CETP: variants seen among roughly 807,000 people sequenced by gnomAD.
The protein encoded by CETP is cholesteryl ester transfer protein.
A neutral mutation model predicts 66.5 loss-of-function variants in CETP; 56 were observed. The ratio of observed to expected loss-of-function variants is 0.84; its 90% confidence interval spans 0.68 to 1.05. The LOEUF (loss-of-function observed/expected upper bound fraction) is 1.05. CETP is among the 50% of genes least tolerant of loss of function. The pLI is 0.00. For synonymous variants in CETP, 251 were observed against 245.7 expected, an observed-to-expected ratio of 1.02 and a Z score of -0.20; for missense variants, 612 against 609.6, an observed-to-expected ratio of 1.00 and a Z score of -0.04.
chr16:56,964,924 C>T (rs1464857632), intron 2 of CETP, among the ~76,000 whole-genome samples: 2 of 152,130 alleles, frequency 1.3e-5, no homozygotes, highest in Non-Finnish European at 2.9e-5. Context: ...TTACCTCAGC[C>T]AGGGTTCAAG....
In CETP at chr16:56,971,942, A is replaced by G. The variant is rs200011174; in HGVS notation, c.659-50A>G. The G allele has an allele frequency of 1.1e-4, 161 of 1,513,898 alleles. 1 individual carries two copies. In the Admixed American group the frequency reaches 2.5e-3, roughly 24 times the overall value. The allele number at this position is 1,513,898 out of a possible 1,614,324, so 93.8% of individuals were successfully genotyped here. Reference sequence around the variant, plus strand: ...TGTGGATGCAGGGGAGCGGTGACTCAGGGCAATTCCCCCATCCTGAGGCCC... The same window carrying G: ...TGTGGATGCAGGGGAGCGGTGACTCGGGGCAATTCCCCCATCCTGAGGCCC... On this transcript the variant is annotated intron_variant, in intron 7 of 15. Coordinates refer to ENST00000200676, the MANE Select transcript of CETP (RefSeq NM_000078.3).
At chr16:56,975,036 C>A (rs367823361) in intron 9 of CETP, 65 bp from the exon 10 acceptor site, 3 of 1,481,100 alleles carry the variant, frequency 2.0e-6, no homozygotes, top group African/African-American at 1.4e-5. Flanking sequence ...TTGGTCCCTG[C>A]GAAGTTTTCT....
At chr16:56,980,106 G>A (rs1224345696) in intron 11 of CETP, among the ~76,000 whole-genome samples, 1 of 152,220 alleles carries the variant, frequency 6.6e-6, no homozygotes, top group Non-Finnish European at 1.5e-5. Context: ...ATAGCGGAGA[G>A]ATTAACATTG....
In CETP at chr16:56,969,407, C is replaced by T. The variant is rs1463099365; in HGVS notation, c.255C>T (p.Ser85=). The change falls in exon 3 of 16, where the codon TCC becomes TCT. Residue 85 remains serine, a synonymous_variant. Transcript: ENST00000200676. ...GLHNIQISHL[S]IASSQVELVE... ...CCAGCATCCAGATCAGCCACTTGTC[C>T]ATCGCCAGCAGCCAGGTGGAGCTGG... 3 of 1,614,104 alleles carry T rather than the reference C, an allele frequency of 1.9e-6. No individual in the cohort carries two copies. The highest frequency in any genetic ancestry group is 2.2e-5 in the South Asian group (2 of 91,082).
At chr16:56,970,965 T>TAC in intron 5 of CETP, 68 bp from the exon 6 acceptor site, 1 of 1,455,964 alleles carries the variant, frequency 6.9e-7, no homozygotes, top group Non-Finnish European at 9.6e-7. Context: ...CGGTGCCTGG[T>TAC]ACACACTAGG....
chr16:56,967,590 G>A (rs1346745197), intron 2 of CETP, among the ~76,000 whole-genome samples: 1 of 150,738 alleles, frequency 6.6e-6, no homozygotes, highest in Non-Finnish European at 1.5e-5. Flanking sequence ...AGGAGGCAGA[G>A]GTTGCAGTGA....
intron 13 of CETP, 21 bp from the exon 14 acceptor site, chr16:56,982,144 C>A (rs2056192781): frequency 2.5e-6 from 4 of 1,613,122 alleles, no homozygotes; most frequent in African/African-American, 1.3e-5. Context: ...GGAGGACTCA[C>A]CATGGGCATT....
chr16:56,981,534 G>C (rs2056187936), intron 12 of CETP, 113 bp from the exon 13 acceptor site: 1 of 1,272,724 alleles, frequency 7.9e-7, no homozygotes, highest in African/African-American at 1.5e-5. Flanking sequence ...GCCCCAAAGG[G>C]CCTGAGCTAT....
chr16:56,966,380 C>T (rs899368976), intron 2 of CETP, among the ~76,000 whole-genome samples: 4 of 152,174 alleles, frequency 2.6e-5, no homozygotes, highest in African/African-American at 9.7e-5. Context: ...AAGTCCTGTC[C>T]TCTGGTTCTC....
chr16:56,977,776 A>G (rs1456471537), intron 10 of CETP, among the ~76,000 whole-genome samples: 1 of 151,776 alleles, frequency 6.6e-6, no homozygotes, highest in Non-Finnish European at 1.5e-5. Context: ...CCTATGAGGT[A>G]GGATCTATGA....
chr16:56,981,569 C>G, intron 12 of CETP, 78 bp from the exon 13 acceptor site: 1 of 1,505,010 alleles, frequency 6.6e-7, no homozygotes, highest in Non-Finnish European at 9.3e-7. Context: ...GGCTGCTATT[C>G]TTAGAGTTTC....
At chr16:56,971,180 T>C (rs2056107177) in intron 6 of CETP, 78 bp downstream of exon 6, 1 of 1,543,652 alleles carries the variant, frequency 6.5e-7, no homozygotes, top group African/African-American at 1.4e-5. Context: ...TGCCTTTCCC[T>C]GAGAAGGTGC....
chr16:56,967,661 A>G lies in CETP; in HGVS notation c.234-1725A>G, dbSNP rs560492049. Reference sequence around the variant, plus strand: ...CAGAGCCAGACTCAGTCTCAAAAAAAAAAAAAAAAACAATGGTATGAGCTT... The same window carrying G: ...CAGAGCCAGACTCAGTCTCAAAAAAGAAAAAAAAAACAATGGTATGAGCTT... On this transcript the variant is annotated intron_variant, in intron 2 of 15. Transcript: ENST00000200676. 4.8e-3 allele frequency among the ~76,000 whole-genome samples: 690 copies of G among 145,106 alleles called. 4 individuals carry two copies. Among genetic ancestry groups the G allele is most frequent in the African/African-American group, 0.016 (657 of 40,960 alleles).
In CETP at chr16:56,973,500, A is replaced by ACGAGTT. The variant is rs753227095; in HGVS notation, c.922_927dup (p.Glu308_Phe309dup). ...CGCCTCATGCTCAGCCTGATGGGAG[A>ACGAGTT]CGAGTTCAAGGTGAGTGGGTGGGGC... On this transcript the variant is annotated inframe_insertion, in exon 9 of 16. Coordinates refer to ENST00000200676, the MANE Select transcript of CETP (RefSeq NM_000078.3). 1.2e-6 allele frequency: 2 copies of ACGAGTT among 1,614,088 alleles called. No homozygotes were observed. Among genetic ancestry groups the ACGAGTT allele is most frequent in the South Asian group, 2.2e-5 (2 of 91,088 alleles).
At chr16:56,982,288 C>G (rs1210229404) in intron 14 of CETP, 51 bp downstream of exon 14, 2 of 1,562,078 alleles carry the variant, frequency 1.3e-6, no homozygotes, top group African/African-American at 2.7e-5. Flanking sequence ...CAGAGCTTCC[C>G]ATTTCACCTT....
rs372247622 is a variant in CETP, at chr16:56,966,700, A to G, written c.234-2686A>G. Among the ~76,000 whole-genome samples the G allele has an allele frequency of 4.6e-5, 7 of 151,794 alleles. No homozygotes were observed. In the East Asian group the frequency reaches 1.4e-3, roughly 29 times the overall value. The stretch of plus-strand genomic sequence containing the variant: ...CTGCAACTTCTGCCTCCTGGGTTCA[A>G]GCGATTCTCCTGCCTCAACCTCCCG... On this transcript the variant is annotated intron_variant, in intron 2 of 15. Transcript: ENST00000200676.
At chr16:56,976,938 C>T (rs1033370897) in intron 10 of CETP, among the ~76,000 whole-genome samples, 11 of 151,662 alleles carry the variant, frequency 7.3e-5, no homozygotes, top group Admixed American at 5.2e-4. Context: ...GACAGAGTCT[C>T]GCTCTTGTTC....
chr16:56,975,021 T>G, intron 9 of CETP, 80 bp from the exon 10 acceptor site: 1 of 1,286,538 alleles, frequency 7.8e-7, no homozygotes, highest in South Asian at 1.2e-5. Flanking sequence ...TCCTTGAAAC[T>G]GCCCTTGGTC....
In CETP at chr16:56,973,444, C is replaced by T. The variant is rs762587120; in HGVS notation, c.864C>T (p.His288=). ...LYFWFSERVF[H]SLAKVAFQDG... ...TCTGGTTCTCTGAGCGAGTCTTCCA[C>T]TCGCTGGCCAAGGTAGCTTTCCAGG... is the stretch of plus-strand genomic sequence containing the variant. Residue 288 remains histidine (H), a synonymous_variant, in exon 9 of 16, where the codon CAC becomes CAT. Transcript: ENST00000200676. The T allele has an allele frequency of 1.9e-6, 3 of 1,614,138 alleles. No individual in the cohort carries two copies. The highest frequency in any genetic ancestry group is 1.1e-5 in the South Asian group (1 of 91,092).
Sources: allele counts gnomAD v4.1 joint callset (sites outside exome capture counted in the v4.1 genomes callset), GRCh38; gene constraint gnomAD v4.1.1; transcripts MANE v1.5; gene names NCBI Gene and HGNC (gene_info 2026-07-23, HGNC 2026-07-21).